Variants in MBNL3 observed in about 807,000 individuals in gnomAD.
MBNL3 encodes the protein muscleblind-like protein 3.
MBNL3 carries 6 observed loss-of-function variants against 24.5 expected under a neutral mutation model. The ratio of observed to expected loss-of-function variants is 0.25; its 90% CI spans 0.13 to 0.48. The LOEUF is 0.48. Among genes scored for constraint, MBNL3 ranks in the 20% least tolerant of loss-of-function variants. The pLI is 0.99. For synonymous variants in MBNL3, 100 were observed against 101.7 expected (o/e 0.98, Z 0.10); for missense variants, 230 against 293.5 (o/e 0.78, Z 1.58).
At chrX:132,459,715 T>C (rs761441648) in intron 1 of MBNL3, among the ~76,000 whole-genome samples, 75 of 112,142 alleles carry the variant, frequency 6.7e-4, no homozygotes, top group African/African-American at 2.2e-3. Flanking sequence ...GAAAGTGTGT[T>C]GTTGTATACA....
intron 3 of MBNL3, among the ~76,000 whole-genome samples, chrX:132,396,951 TATATATTC>T (rs1481012179): frequency 7.2e-5 from 6 of 82,921 alleles, no homozygotes; most frequent in African/African-American, 2.6e-4. Flanking sequence ...TATATATTCA[TATATATTC>T]ATATATATAT....
At position 132,375,741 on chromosome X, in the gene MBNL3, T is replaced by C. The variant is rs767082599; in HGVS notation, c.*3925A>G. 1.2e-4 allele frequency: 13 copies of C among 111,058 alleles called. No individual in the cohort carries two copies. Among genetic ancestry groups the C allele is most frequent in the Non-Finnish European group, 2.1e-4 (11 of 52,875 alleles). 9.2% of individuals were successfully genotyped at this position (111,058 alleles called of 1,213,427 possible). On this transcript the variant is annotated 3_prime_UTR_variant, in exon 9 of 9. Transcript: ENST00000370853. ...TCTGTTTCAATGTATGTGAAATGTA[T>C]TTGAGAGAAAAATAATGAGGATTTC... is the stretch of plus-strand genomic sequence containing the variant.
rs1029222423 is a variant in MBNL3, at chrX:132,377,395, C to T, written c.*2271G>A. 5 of 111,852 alleles carry T rather than the reference C, an allele frequency of 4.5e-5. No homozygotes were observed. The highest frequency in any genetic ancestry group is 3.7e-4 in the South Asian group (1 of 2,693). The allele number at this position is 111,852 out of a possible 1,213,427, so 9.2% of individuals were successfully genotyped here. ...GGACAACTCTTGATCTCTAATTCCA[C>T]GCAACATTGTCAACAGCTGACAATG... On this transcript the variant is annotated 3_prime_UTR_variant, in exon 9 of 9. Coordinates refer to ENST00000370853, the MANE Select transcript of MBNL3 (RefSeq NM_001386889.1).
intron 1 of MBNL3, among the ~76,000 whole-genome samples, chrX:132,484,701 A>G (rs151016377): frequency 0.013 from 1,424 of 111,566 alleles, 27 homozygotes; most frequent in African/African-American, 0.044. Context: ...CCTTTTCTCT[A>G]TGGGAGGCCC....
chrX:132,414,007 A>G (rs1943067719), intron 2 of MBNL3, among the ~76,000 whole-genome samples: 1 of 112,105 alleles, frequency 8.9e-6, no homozygotes, highest in Non-Finnish European at 1.9e-5. Context: ...CAGGGAAATA[A>G]CTACTTAGCA....
At chrX:132,443,524 T>C (rs1253874948) in intron 1 of MBNL3, among the ~76,000 whole-genome samples, 27 of 112,224 alleles carry the variant, frequency 2.4e-4, no homozygotes, top group Non-Finnish European at 7.5e-5. Context: ...TAGCATCTAC[T>C]ATGTGCCAGG....
intron 3 of MBNL3, among the ~76,000 whole-genome samples, chrX:132,395,646 A>G: frequency 9.0e-6 from 1 of 111,460 alleles, no homozygotes; most frequent in Non-Finnish European, 1.9e-5. Context: ...AGAAATTCCC[A>G]TGAGTTCCCA....
rs745379904 is a variant in MBNL3 at position 132,374,818 on chromosome X, T to C, written c.*4848A>G. On this transcript the variant is annotated 3_prime_UTR_variant, in exon 9 of 9. Coordinates refer to ENST00000370853, the MANE Select transcript of MBNL3 (RefSeq NM_001386889.1). Reference sequence around the variant, plus strand: ...GGCTTTAGTCATACATTAATCCTCATATAGCTATATTTGCTCATGTAATTC... The same window carrying C: ...GGCTTTAGTCATACATTAATCCTCACATAGCTATATTTGCTCATGTAATTC... 8.9e-6 allele frequency: 1 copy of C among 112,136 alleles called. No homozygotes were observed. Among genetic ancestry groups the C allele is most frequent in the South Asian group, 3.7e-4 (1 of 2,731 alleles). The allele number at this position is 112,136 out of a possible 1,213,427, so 9.2% of individuals were successfully genotyped here. A position where few individuals can be genotyped will look rare whatever the true frequency, so the allele number is the denominator to read the frequency against.
In MBNL3 at chrX:132,398,869, T is replaced by C. The variant is rs757545711; in HGVS notation, c.343-6535A>G. 2.7e-5 allele frequency among the ~76,000 whole-genome samples: 3 copies of C among 111,152 alleles called. No individual in the cohort carries two copies. In the South Asian group the frequency reaches 1.1e-3, roughly 42 times the overall value. ...CCTTGCATGGCTAATAGAAAGATAA[T>C]TCTATGTTGAAAAAAGAAAGGCCCA... On this transcript the variant is annotated intron_variant, in intron 3 of 8. Transcript: ENST00000370853.
intron 1 of MBNL3, among the ~76,000 whole-genome samples, chrX:132,452,417 A>G (rs1013465936): frequency 1.8e-5 from 2 of 112,010 alleles, no homozygotes; most frequent in Non-Finnish European, 3.8e-5. Context: ...TCCATTTAAT[A>G]TACGTGGGGT....
intron 1 of MBNL3, among the ~76,000 whole-genome samples, chrX:132,486,500 GT>G (rs1948016483): frequency 8.9e-6 from 1 of 112,183 alleles, no homozygotes; most frequent in Non-Finnish European, 1.9e-5. Flanking sequence ...AAGTATACAA[GT>G]GCCTGGAAGT....
chrX:132,371,736 T>TAGA lies in MBNL3; in HGVS notation c.*7927_*7929dup, dbSNP rs1224942633. The TAGA allele has an allele frequency of 8.9e-6, 1 of 111,785 alleles. No individual in the cohort carries two copies. Among genetic ancestry groups the TAGA allele is most frequent in the East Asian group, 2.8e-4 (1 of 3,574 alleles). 9.2% of individuals were successfully genotyped at this position (111,785 alleles called of 1,213,427 possible). On this transcript the variant is annotated 3_prime_UTR_variant, in exon 9 of 9. Transcript: ENST00000370853. ...AATTTTAAGTATTCTTTTATTAAAA[T>TAGA]AGAAGTGTTTTTCTTGTGTCAGTAA...
At chrX:132,474,424 T>C (rs1223648415) in intron 1 of MBNL3, among the ~76,000 whole-genome samples, 2 of 111,810 alleles carry the variant, frequency 1.8e-5, no homozygotes, top group Non-Finnish European at 3.8e-5. Flanking sequence ...CTATCTGTTA[T>C]TTTAGCTGAA....
At chrX:132,412,095 T>C (rs1021508951) in intron 2 of MBNL3, among the ~76,000 whole-genome samples, 3 of 111,251 alleles carry the variant, frequency 2.7e-5, no homozygotes, top group East Asian at 2.8e-4. Flanking sequence ...CTTTTTTTTT[T>C]CCTATGAATA....
chrX:132,401,751 AAAC>A lies in MBNL3; in HGVS notation c.342+4474_342+4476del, dbSNP rs751947582. Among the ~76,000 whole-genome samples, 7 of 111,826 alleles carry A rather than the reference AAAC, an allele frequency of 6.3e-5. No individual in the cohort carries two copies. In the South Asian group the frequency reaches 1.1e-3, roughly 18 times the overall value. On this transcript the variant is annotated intron_variant, in intron 3 of 8. Transcript: ENST00000370853. Reference sequence around the variant, plus strand: ...TGTAGCCCTTTAGTAAAAGAGAAAAAAACAACATTAAAAACATGAGTCTAAAAA... The same window carrying A: ...TGTAGCCCTTTAGTAAAAGAGAAAAAAACATTAAAAACATGAGTCTAAAAA...
At position 132,477,064 on chromosome X, in the gene MBNL3, G is replaced by T. The variant is rs571831989; in HGVS notation, c.-704+11787C>A. Reference sequence around the variant, plus strand: ...AAAGCTTTAACATCAGAATAAGAAAGAATTAAAACCTTTAGCTCTCAGGAT... The same window carrying T: ...AAAGCTTTAACATCAGAATAAGAAATAATTAAAACCTTTAGCTCTCAGGAT... On this transcript the variant is annotated intron_variant, in intron 1 of 8. Transcript: ENST00000370853. Among the ~76,000 whole-genome samples, 6 of 112,272 alleles carry T rather than the reference G, an allele frequency of 5.3e-5. No homozygotes were observed. In the South Asian group the frequency reaches 1.8e-3, roughly 34 times the overall value.
chrX:132,413,964 C>T (rs1943063697), intron 2 of MBNL3, among the ~76,000 whole-genome samples: 2 of 111,959 alleles, frequency 1.8e-5, no homozygotes, highest in Admixed American at 1.9e-4. Flanking sequence ...CTTTGGAATA[C>T]TCAAATTCGA....
chrX:132,464,217 C>A (rs1946775473), intron 1 of MBNL3, among the ~76,000 whole-genome samples: 1 of 112,285 alleles, frequency 8.9e-6, no homozygotes, highest in South Asian at 3.7e-4. Context: ...TTAAAACTTT[C>A]TCTCATTACT....
chrX:132,380,310 T>C (rs748273992), intron 8 of MBNL3, among the ~76,000 whole-genome samples: 1 of 112,248 alleles, frequency 8.9e-6, no homozygotes, highest in South Asian at 3.7e-4. Flanking sequence ...AAGCAGCCCA[T>C]GAAAGTTGGG....
Sources: gnomAD v4.1 joint callset for allele counts (sites outside exome capture counted in the v4.1 genomes callset) on GRCh38, gnomAD v4.1.1 for gene constraint, MANE v1.5 for transcripts, NCBI Gene and HGNC (gene_info 2026-07-23, HGNC 2026-07-21) for gene names.